The following HORMAD1 variants were observed in gnomAD, a reference collection of about 807,000 sequenced individuals.
HORMAD1 encodes HORMA domain containing 1.
In HORMAD1, 33 loss-of-function variants were observed where a neutral mutation model predicts 58.2. The observed-to-expected ratio is 0.57, with a 90% confidence interval of 0.43 to 0.76. The LOEUF is 0.76. Among genes scored for constraint, HORMAD1 ranks in the 30% least tolerant of loss-of-function variants. The pLI, the probability that HORMAD1 is intolerant of heterozygous loss-of-function variation, is 0.00. For synonymous variants in HORMAD1, 137 were observed against 144.6 expected, an observed-to-expected ratio of 0.95 and a Z score of 0.38; for missense variants, 363 against 462.0, an observed-to-expected ratio of 0.79 and a Z score of 1.96.
intron 7 of HORMAD1, among the ~76,000 whole-genome samples, chr1:150,711,020 A>C (rs587607572): frequency 1.3e-5 from 2 of 152,296 alleles, no homozygotes; most frequent in Non-Finnish European, 2.9e-5. Context: ...AATAAATGAG[A>C]TAATGCACAT....
At chr1:150,699,573 G>A (rs767063504) in intron 14 of HORMAD1, among the ~76,000 whole-genome samples, 1 of 150,900 alleles carries the variant, frequency 6.6e-6, no homozygotes, top group Non-Finnish European at 1.5e-5. Flanking sequence ...TCGCCAGGCT[G>A]TAGTACAGTG....
At position 150,708,922 on chromosome 1, in the gene HORMAD1, T is replaced by G. The variant is rs1339741724; in HGVS notation, c.367A>C (p.Asn123His). The G allele has an allele frequency of 6.6e-7, 1 of 1,513,348 alleles. No homozygotes were observed. The allele number at this position is 1,513,348 out of a possible 1,614,324, so 93.7% of individuals were successfully genotyped here. The change falls in exon 8 of 15, where the codon AAT becomes CAT. Residue 123 changes from asparagine (N) to histidine (H), a missense_variant. By Grantham distance (68) the Asn-to-His change is moderately conservative. Coordinates refer to ENST00000361824, the MANE Select transcript of HORMAD1 (RefSeq NM_032132.5). ...ECYQFKFKYT[N>H]NGPLMDFISK... ...ATGAAGTCCATGAGTGGTCCATTAT[T>G]GGTGTATTTGAATTTGAATTGGTAA...
At chr1:150,711,653 T>C (rs909674445) in intron 6 of HORMAD1, 82 bp from the exon 7 acceptor site, 4 of 1,127,918 alleles carry the variant, frequency 3.5e-6, no homozygotes, top group Admixed American at 3.8e-5. Context: ...AAACTTCATG[T>C]GAACTCAGCA....
In HORMAD1 at chr1:150,703,545, A is replaced by G. The variant is rs1651599479; in HGVS notation, c.949-152T>C. On this transcript the variant is annotated intron_variant, in intron 12 of 14. Coordinates refer to ENST00000361824, the MANE Select transcript of HORMAD1 (RefSeq NM_032132.5). ...TTGAGTTGGTTCATACTGTTCAAAA[A>G]GCACAAAAGTAAAGATAGTGAAACT... is the stretch of plus-strand genomic sequence containing the variant. The G allele has an allele frequency of 9.7e-6, 5 of 515,480 alleles. No homozygotes were observed. The South Asian group carries it at 1.4e-4, about 15-fold the overall frequency. The allele number at this position is 515,480 out of a possible 1,614,324, so 31.9% of individuals were successfully genotyped here.
intron 9 of HORMAD1, among the ~76,000 whole-genome samples, chr1:150,707,931 G>A (rs1454656703): frequency 6.6e-6 from 1 of 151,986 alleles, no homozygotes; most frequent in East Asian, 1.9e-4. Context: ...GCAAGACTCT[G>A]TCTCAAACAA....
chr1:150,714,557 A>G, intron 4 of HORMAD1, 58 bp downstream of exon 4: 2 of 901,634 alleles, frequency 2.2e-6, no homozygotes, highest in South Asian at 4.5e-5. Context: ...TCCAAGGTAC[A>G]AAAAAAAGTA....
intron 5 of HORMAD1, among the ~76,000 whole-genome samples, chr1:150,713,484 C>T (rs587754294): frequency 9.9e-5 from 15 of 151,668 alleles, no homozygotes; most frequent in African/African-American, 2.4e-4. Context: ...TGCAGTAAGC[C>T]GAGATGGTGC....
At chr1:150,707,706 C>T (rs906108026) in intron 9 of HORMAD1, among the ~76,000 whole-genome samples, 2 of 152,134 alleles carry the variant, frequency 1.3e-5, no homozygotes, top group Non-Finnish European at 2.9e-5. Context: ...GAGGCCAAAG[C>T]GGGTGAATCA....
At chr1:150,713,350 G>A (rs1651959129) in intron 5 of HORMAD1, among the ~76,000 whole-genome samples, 1 of 152,088 alleles carries the variant, frequency 6.6e-6, no homozygotes. Flanking sequence ...TAGAAGAGAT[G>A]CCTAACACAT....
At chr1:150,717,459 A>C (rs2101890196) in intron 2 of HORMAD1, among the ~76,000 whole-genome samples, 177 bp from the exon 3 acceptor site, 1 of 152,214 alleles carries the variant, frequency 6.6e-6, no homozygotes, top group South Asian at 2.1e-4. Context: ...GGGTATTTCT[A>C]GGGTAATAGC....
chr1:150,702,846 G>A lies in HORMAD1; in HGVS notation c.1032+464C>T, dbSNP rs587724508. On this transcript the variant is annotated intron_variant, in intron 13 of 14. Transcript: ENST00000361824. ...GGTGCAGCAAATCACTATGGCACAC[G>A]TTTACCTATGTAACAAACCTGCACG... Among the ~76,000 whole-genome samples the A allele has an allele frequency of 8.5e-5, 13 of 152,172 alleles. No homozygotes were observed. The South Asian group carries it at 2.5e-3, about 29-fold the overall frequency.
At chr1:150,714,766 T>C in intron 3 of HORMAD1, 88 bp from the exon 4 acceptor site, 2 of 522,936 alleles carry the variant, frequency 3.8e-6, no homozygotes, top group Non-Finnish European at 6.7e-6. Flanking sequence ...TTCTGCTGTG[T>C]ATTACAGGTA....
chr1:150,707,675 CCT>C (rs1651737416), intron 9 of HORMAD1, among the ~76,000 whole-genome samples: 1 of 152,202 alleles, frequency 6.6e-6, no homozygotes, highest in Non-Finnish European at 1.5e-5. Context: ...GTGGCTCACG[CCT>C]GTTATTCCAG....
chr1:150,703,103 A>G (rs1651584341), intron 13 of HORMAD1, among the ~76,000 whole-genome samples: 1 of 152,112 alleles, frequency 6.6e-6, no homozygotes, highest in African/African-American at 2.4e-5. Context: ...GCTCTGTATC[A>G]TTGCTTGTTT....
chr1:150,719,892 A>G (rs1289182805), intron 1 of HORMAD1, among the ~76,000 whole-genome samples: 1 of 152,138 alleles, frequency 6.6e-6, no homozygotes, highest in Admixed American at 6.5e-5. Flanking sequence ...CAAACCCTCT[A>G]AACTTTTTCA....
Position 150,708,283 on chromosome 1 carries a change from TCAAA to T in HORMAD1, c.516_519del (p.Cys172Ter). The T allele has an allele frequency of 6.2e-7, 1 of 1,605,802 alleles. No individual in the cohort carries two copies. Among genetic ancestry groups the T allele is most frequent in the Non-Finnish European group, 8.5e-7 (1 of 1,176,536 alleles). Reference sequence around the variant, plus strand: ...TCATCATAGTAAAAAAGTTTCATGGTCAAACAAACATCATTAGGTAAAGGCCCCA... The same window carrying T: ...TCATCATAGTAAAAAAGTTTCATGGTCAAACATCATTAGGTAAAGGCCCCA... On this transcript the variant is annotated frameshift_variant, in exon 9 of 15. Coordinates refer to ENST00000361824, the MANE Select transcript of HORMAD1 (RefSeq NM_032132.5). LOFTEE classifies it high-confidence loss of function.
At chr1:150,701,261 C>T (rs1022956768) in intron 13 of HORMAD1, among the ~76,000 whole-genome samples, 4 of 152,144 alleles carry the variant, frequency 2.6e-5, no homozygotes, top group Non-Finnish European at 4.4e-5. Context: ...AAAGGTTATT[C>T]ATCCTACATA....
At chr1:150,700,081 T>C in intron 14 of HORMAD1, 31 bp downstream of exon 14, 1 of 998,916 alleles carries the variant, frequency 1.0e-6, no homozygotes, top group Non-Finnish European at 1.6e-6. Flanking sequence ...CTTCCCATTG[T>C]ATTCAAACTA....
Position 150,704,146 on chromosome 1 carries a change from C to A in HORMAD1, c.920G>T (p.Ser307Ile), listed in dbSNP as rs1333018583. The change falls in exon 12 of 15, where the codon AGT (serine) becomes ATT (isoleucine). Residue 307 changes from serine (S) to isoleucine (I), a missense_variant. Physicochemically the swap from Ser to Ile is moderately radical, Grantham distance 142. Around this residue, in one of 3 missense-constraint regions of HORMAD1, gnomAD observed 226 missense variants for 257.8 expected, o/e 0.88. Coordinates refer to ENST00000361824, the MANE Select transcript of HORMAD1 (RefSeq NM_032132.5). Reference protein sequence around the residue: ...EEDEIMRSKESPDLSISHSQV... With the variant: ...EEDEIMRSKEIPDLSISHSQV... Reference sequence around the variant, plus strand: ...AGAATGAGAAATAGAAAGATCTGGACTTTCTTTAGACCTCATAATTTCATC... The same window carrying A: ...AGAATGAGAAATAGAAAGATCTGGAATTTCTTTAGACCTCATAATTTCATC... The A allele has an allele frequency of 1.3e-6, 2 of 1,589,224 alleles. No individual in the cohort carries two copies. The highest frequency in any genetic ancestry group is 1.8e-5 in the Admixed American group (1 of 56,006).
Sources: gnomAD v4.1 joint callset for allele counts (sites outside exome capture counted in the v4.1 genomes callset) on GRCh38, gnomAD v4.1.1 for gene constraint, gnomAD v4.1.1 regional missense constraint, MANE v1.5 for transcripts, NCBI Gene and HGNC (gene_info 2026-07-23, HGNC 2026-07-21) for gene names.